Variants in EXPH5 observed in about 807,000 individuals in gnomAD.
EXPH5 encodes the protein exophilin-5.
In EXPH5, 42 loss-of-function variants were observed where a neutral mutation model predicts 41.1. The ratio of observed to expected loss-of-function variants is 1.02; its 90% CI spans 0.80 to 1.32. The LOEUF (loss-of-function observed/expected upper bound fraction) is 1.32. EXPH5 is among the 40% of genes most tolerant of loss of function. The pLI, the probability that EXPH5 is intolerant of heterozygous loss-of-function variation, is 0.00. For synonymous variants in EXPH5, 798 were observed against 833.5 expected (o/e 0.96, Z 0.73); for missense variants, 2,298 against 2,314.5 (o/e 0.99, Z 0.15).
upstream of EXPH5, chr11:108,593,785 G>A (rs146094408): frequency 2.0e-3 from 3,067 of 1,532,582 alleles, 5 homozygotes; most frequent in Non-Finnish European, 2.4e-3. Flanking sequence ...TAAAGGGAGA[G>A]AGGGAACCAA....
rs766760968 is a variant in EXPH5, at chr11:108,511,600, G to T, written c.3907C>A (p.Arg1303=). 3.1e-6 allele frequency: 5 copies of T among 1,613,448 alleles called. No individual in the cohort carries two copies. Among genetic ancestry groups the T allele is most frequent in the Non-Finnish European group, 4.2e-6 (5 of 1,179,850 alleles). The change falls in exon 6 of 6, where the codon CGA becomes AGA. Residue 1303 remains arginine, a synonymous_variant. Transcript: ENST00000265843. ...CATGAAGGTGTTCCTGACTGCTCTC[G>T]TGTAGAATAATTCTGTTTGTCTTTT... is the stretch of plus-strand genomic sequence containing the variant. ...LEKDKQNYST[R]EQSGTPSCEN...
chr11:108,523,771 C>G (rs112383546), intron 4 of EXPH5, among the ~76,000 whole-genome samples: 131 of 152,264 alleles, frequency 8.6e-4, no homozygotes, highest in African/African-American at 3.0e-3. Context: ...ACTTGGGAGG[C>G]TGAGGTGGGA....
At chr11:108,526,302 C>T (rs899552765) in intron 4 of EXPH5, among the ~76,000 whole-genome samples, 9 of 152,084 alleles carry the variant, frequency 5.9e-5, no homozygotes, top group Non-Finnish European at 2.9e-5. Context: ...CCAGCTCTTG[C>T]CTTTTAGACT....
chr11:108,510,783 T>C lies in EXPH5; in HGVS notation c.4724A>G (p.Asn1575Ser), dbSNP rs1403004188. 1 of 1,614,032 alleles carries C rather than the reference T, an allele frequency of 6.2e-7. No homozygotes were observed. Among genetic ancestry groups the C allele is most frequent in the South Asian group, 1.1e-5 (1 of 91,056 alleles). ...DQPSLPEGNK[N>S]KTNLDDLVKG... ...TACTAGGTCATCCAAGTTGGTTTTATTTTTGTTTCCTTCAGGAAGTGAAGG... is the reference window on the plus strand; with the variant it reads ...TACTAGGTCATCCAAGTTGGTTTTACTTTTGTTTCCTTCAGGAAGTGAAGG... Residue 1575 changes from asparagine to serine, a missense_variant, in exon 6 of 6, where the codon AAT becomes AGT. Asn to Ser is a conservative substitution (Grantham distance 46). Coordinates refer to ENST00000265843, the MANE Select transcript of EXPH5 (RefSeq NM_015065.3).
chr11:108,606,412 C>T, the EXPH5 span, among the ~76,000 whole-genome samples: 2 of 152,202 alleles, frequency 1.3e-5, no homozygotes, highest in Non-Finnish European at 2.9e-5. Flanking sequence ...TAAGTCTTGG[C>T]TCAGCTTTAC....
chr11:108,541,102 G>A (rs528978145), intron 2 of EXPH5, among the ~76,000 whole-genome samples: 99 of 151,780 alleles, frequency 6.5e-4, no homozygotes, highest in African/African-American at 2.0e-3. Context: ...ATGAGGTTTC[G>A]CCATGTTGCC....
chr11:108,535,030 G>C (rs1377747695), intron 3 of EXPH5, among the ~76,000 whole-genome samples: 1 of 152,168 alleles, frequency 6.6e-6, no homozygotes, highest in Admixed American at 6.5e-5. Flanking sequence ...CTGATCCAGA[G>C]TGGGACAGAA....
chr11:108,573,639 A>G (rs1003316336), intron 1 of EXPH5, among the ~76,000 whole-genome samples: 8 of 152,260 alleles, frequency 5.3e-5, no homozygotes, highest in Non-Finnish European at 1.2e-4. Context: ...ATGGAAATCA[A>G]TGGTACTATG....
chr11:108,512,131 G>A lies in EXPH5; in HGVS notation c.3376C>T (p.Pro1126Ser), dbSNP rs1442229862. ...GTTGAGGCATGTGGCTCCCCTGAGGGACATGACATAGCCCTGTTGATGAGG... is the reference window on the plus strand; with the variant it reads ...GTTGAGGCATGTGGCTCCCCTGAGGAACATGACATAGCCCTGTTGATGAGG... ...PFLINRAMSC[P>S]SGEPHASTGR... The change falls in exon 6 of 6, where the codon CCC (proline) becomes TCC (serine). Residue 1126 changes from proline (P) to serine (S), a missense_variant. Transcript: ENST00000265843. 3.7e-6 allele frequency: 6 copies of A among 1,613,806 alleles called. No homozygotes were observed. The highest frequency in any genetic ancestry group is 4.2e-6 in the Non-Finnish European group (5 of 1,179,902).
intron 1 of EXPH5, among the ~76,000 whole-genome samples, chr11:108,585,792 T>C (rs1489938956): frequency 2.0e-5 from 3 of 152,222 alleles, no homozygotes; most frequent in Admixed American, 2.0e-4. Context: ...TCATGGATGT[T>C]GATAGCAGCA....
chr11:108,550,172 A>G (rs1379680373), intron 1 of EXPH5, among the ~76,000 whole-genome samples: 1 of 152,190 alleles, frequency 6.6e-6, no homozygotes, highest in Non-Finnish European at 1.5e-5. Context: ...AGTGAAACTG[A>G]GACTTCTGAG....
intron 1 of EXPH5, among the ~76,000 whole-genome samples, chr11:108,568,530 G>A (rs975752324): frequency 6.6e-6 from 1 of 152,104 alleles, no homozygotes; most frequent in Non-Finnish European, 1.5e-5. Flanking sequence ...CCCAGTCTTG[G>A]TCACAGGCCT....
At chr11:108,535,710 C>A (rs571696906) in intron 3 of EXPH5, among the ~76,000 whole-genome samples, 1 of 152,158 alleles carries the variant, frequency 6.6e-6, no homozygotes, top group African/African-American at 2.4e-5. Context: ...CTGTCTGAGC[C>A]GTGTACGACC....
intron 1 of EXPH5, among the ~76,000 whole-genome samples, chr11:108,574,079 T>G (rs917140463): frequency 1.1e-4 from 15 of 139,654 alleles, no homozygotes; most frequent in Non-Finnish European, 1.8e-4. Context: ...TTTTGTGTGT[T>G]TTTTTTTTTT....
chr11:108,607,264 A>T, the EXPH5 span, among the ~76,000 whole-genome samples: 1 of 152,228 alleles, frequency 6.6e-6, no homozygotes, highest in East Asian at 1.9e-4. Flanking sequence ...CACAATATTA[A>T]CATCAAGAAT....
intron 1 of EXPH5, among the ~76,000 whole-genome samples, chr11:108,547,185 T>G (rs1403654697): frequency 6.6e-6 from 1 of 152,068 alleles, no homozygotes; most frequent in Non-Finnish European, 1.5e-5. Context: ...TTGTGATTTT[T>G]TTTAAAGTTA....
upstream of EXPH5, among the ~76,000 whole-genome samples, chr11:108,594,580 T>C (rs2094135928): frequency 6.6e-6 from 1 of 152,248 alleles, no homozygotes; most frequent in South Asian, 2.1e-4. Context: ...GATATTCACA[T>C]ATATACTTTT....
intron 1 of EXPH5, among the ~76,000 whole-genome samples, chr11:108,548,319 T>C (rs1026974204): frequency 2.0e-4 from 31 of 152,152 alleles, no homozygotes; most frequent in African/African-American, 7.2e-4. Flanking sequence ...AACCTGACTC[T>C]GGCTAAGGCT....
the EXPH5 span, among the ~76,000 whole-genome samples, chr11:108,606,554 A>AT: frequency 2.6e-5 from 4 of 152,148 alleles, no homozygotes; most frequent in African/African-American, 7.2e-5. Flanking sequence ...TGGATTTTAA[A>AT]TTTGGGCTCT....
Sources: allele counts gnomAD v4.1 joint callset (sites outside exome capture counted in the v4.1 genomes callset), GRCh38; gene constraint gnomAD v4.1.1; transcripts MANE v1.5; gene names NCBI Gene and HGNC (gene_info 2026-07-23, HGNC 2026-07-21).